Variants in GMDS observed in about 807,000 individuals in gnomAD.
GMDS encodes the protein GDP-mannose 4,6 dehydratase.
Under a neutral mutation model 49.9 loss-of-function variants are expected in GMDS, and 20 were observed. That is an observed-to-expected ratio of 0.40 (90% confidence interval 0.28 to 0.58). The LOEUF is 0.58. Ranked by LOEUF, GMDS falls within the 20% of genes least tolerant of loss-of-function variation. GMDS has a pLI of 0.42. For missense variants in GMDS, 362 were observed against 481.4 expected (o/e 0.75, Z 2.32); for synonymous variants, 177 against 178.6 (o/e 0.99, Z 0.07).
intron 9 of GMDS, among the ~76,000 whole-genome samples, chr6:1,672,785 G>T (rs1349719558): frequency 6.6e-6 from 1 of 152,178 alleles, no homozygotes; most frequent in African/African-American, 2.4e-5. Flanking sequence ...AAAATTCTGG[G>T]GTTAACTGTG....
chr6:2,142,970 T>A (rs1056510958), intron 1 of GMDS, among the ~76,000 whole-genome samples: 1 of 152,008 alleles, frequency 6.6e-6, no homozygotes, highest in African/African-American at 2.4e-5. Context: ...AACTCACAAT[T>A]CTAAATGCCG....
intron 4 of GMDS, among the ~76,000 whole-genome samples, chr6:1,963,550 G>C (rs887508673): frequency 1.3e-5 from 2 of 152,110 alleles, no homozygotes; most frequent in Non-Finnish European, 2.9e-5. Context: ...GATCCATTTT[G>C]AGTTAAATTT....
chr6:1,651,497 C>T (rs1241993342), intron 9 of GMDS, among the ~76,000 whole-genome samples: 1 of 152,212 alleles, frequency 6.6e-6, no homozygotes, highest in African/African-American at 2.4e-5. Flanking sequence ...AGGGTCCTGG[C>T]CATCCCATGG....
intron 1 of GMDS, among the ~76,000 whole-genome samples, chr6:2,241,926 G>A (rs1278015232): frequency 1.3e-5 from 2 of 152,216 alleles, no homozygotes; most frequent in African/African-American, 4.8e-5. Flanking sequence ...CAGACATGCA[G>A]TGAAGATGTG....
At chr6:2,229,410 A>G (rs905813194) in intron 1 of GMDS, among the ~76,000 whole-genome samples, 27 of 146,856 alleles carry the variant, frequency 1.8e-4, no homozygotes, top group Admixed American at 4.8e-4. Context: ...TGTTTCTACA[A>G]AAAAAAAAAA....
rs142130332 is a variant in GMDS at position 1,699,891 on chromosome 6, A to T, written c.987+26525T>A. 6.2e-3 allele frequency among the ~76,000 whole-genome samples: 944 copies of T among 152,358 alleles called. 10 individuals carry two copies. Among genetic ancestry groups the T allele is most frequent in the African/African-American group, 0.022 (905 of 41,592 alleles). On this transcript the variant is annotated intron_variant, in intron 9 of 10. Coordinates refer to ENST00000380815, the MANE Select transcript of GMDS (RefSeq NM_001500.4). ...GTCTGCTGTGACTCCTCCCTGGCACAGCTGAGGGGCACACACAGCCTCCAT... is the reference window on the plus strand; with the variant it reads ...GTCTGCTGTGACTCCTCCCTGGCACTGCTGAGGGGCACACACAGCCTCCAT...
At chr6:1,696,796 C>T (rs1004119548) in intron 9 of GMDS, among the ~76,000 whole-genome samples, 10 of 152,240 alleles carry the variant, frequency 6.6e-5, no homozygotes, top group African/African-American at 2.4e-4. Context: ...TCATCTCCAA[C>T]AGAGGAAGGG....
chr6:1,632,069 A>T lies in GMDS; in HGVS notation c.988-7529T>A, dbSNP rs571753385. Among the ~76,000 whole-genome samples, 37 of 152,290 alleles carry T rather than the reference A, an allele frequency of 2.4e-4. 1 individual carries two copies. In the South Asian group the frequency reaches 7.1e-3, roughly 29 times the overall value. On this transcript the variant is annotated intron_variant, in intron 9 of 10. Coordinates refer to ENST00000380815, the MANE Select transcript of GMDS (RefSeq NM_001500.4). ...CATTCCTTCTTTACATCTTCATGAG[A>T]GGAACAAAGTCCTATACCGAAATGT...
intron 9 of GMDS, among the ~76,000 whole-genome samples, chr6:1,716,011 A>T (rs573363119): frequency 6.6e-6 from 1 of 152,382 alleles, no homozygotes; most frequent in South Asian, 2.1e-4. Context: ...TCAAAAAATA[A>T]TAGAAACAGC....
At chr6:1,720,452 C>A (rs1205734255) in intron 9 of GMDS, among the ~76,000 whole-genome samples, 1 of 152,004 alleles carries the variant, frequency 6.6e-6, no homozygotes, top group East Asian at 1.9e-4. Context: ...GTATGAGGAG[C>A]CTAAGAGGGA....
At chr6:2,138,652 G>C (rs574023185) in intron 1 of GMDS, among the ~76,000 whole-genome samples, 1 of 152,314 alleles carries the variant, frequency 6.6e-6, no homozygotes, top group African/African-American at 2.4e-5. Flanking sequence ...GCAGAACTGA[G>C]AGCCAAATAA....
intron 1 of GMDS, among the ~76,000 whole-genome samples, chr6:2,170,003 C>A (rs974444624): frequency 1.3e-5 from 2 of 152,080 alleles, no homozygotes; most frequent in African/African-American, 2.4e-5. Context: ...CGGGAGTTCA[C>A]GACCAGCCTG....
At chr6:1,884,644 T>C (rs989417306) in intron 7 of GMDS, among the ~76,000 whole-genome samples, 3 of 152,234 alleles carry the variant, frequency 2.0e-5, no homozygotes. Context: ...TGGTTCACAT[T>C]AGTGTCATGC....
chr6:2,037,222 A>G (rs1161370307), intron 4 of GMDS, among the ~76,000 whole-genome samples: 1 of 152,216 alleles, frequency 6.6e-6, no homozygotes, highest in African/African-American at 2.4e-5. Context: ...TTGTACAAGT[A>G]AAAGAAGGTG....
intron 7 of GMDS, among the ~76,000 whole-genome samples, chr6:1,777,492 A>G (rs1211769565): frequency 6.6e-6 from 1 of 152,246 alleles, no homozygotes; most frequent in Non-Finnish European, 1.5e-5. Context: ...AAAAATTAAG[A>G]AAATACACAC....
intron 4 of GMDS, among the ~76,000 whole-genome samples, chr6:2,080,858 C>T (rs1772650283): frequency 6.6e-6 from 1 of 152,170 alleles, no homozygotes; most frequent in Non-Finnish European, 1.5e-5. Flanking sequence ...CCTGTCACTT[C>T]CTGGGTATTT....
chr6:1,804,616 C>T (rs1407820822), intron 7 of GMDS, among the ~76,000 whole-genome samples: 1 of 152,192 alleles, frequency 6.6e-6, no homozygotes, highest in Non-Finnish European at 1.5e-5. Context: ...TATATGCTTT[C>T]ATTTAAAATT....
intron 1 of GMDS, among the ~76,000 whole-genome samples, chr6:2,193,646 G>T (rs1311334699): frequency 6.6e-6 from 1 of 151,906 alleles, no homozygotes; most frequent in African/African-American, 2.4e-5. Flanking sequence ...TTCATTTTAG[G>T]ATTGTAAAGG....
intron 6 of GMDS, among the ~76,000 whole-genome samples, chr6:1,947,132 G>C (rs998787452): frequency 6.6e-6 from 1 of 152,004 alleles, no homozygotes; most frequent in Non-Finnish European, 1.5e-5. Flanking sequence ...TTCCTATAGG[G>C]AAATATTTCC....
Sources: gnomAD v4.1 joint callset for allele counts (sites outside exome capture counted in the v4.1 genomes callset) on GRCh38, gnomAD v4.1.1 for gene constraint, MANE v1.5 for transcripts, NCBI Gene and HGNC (gene_info 2026-07-23, HGNC 2026-07-21) for gene names.